SPHKAP: variants seen among roughly 807,000 people sequenced by gnomAD.
The protein encoded by SPHKAP is SPHK1 interactor, AKAP domain containing, also known as A-kinase anchor protein SPHKAP.
Under a neutral mutation model 137.5 loss-of-function variants are expected in SPHKAP, and 67 were observed. That is an observed-to-expected ratio of 0.49 (90% confidence interval 0.40 to 0.60). The LOEUF (loss-of-function observed/expected upper bound fraction) is 0.60. Ranked by LOEUF, SPHKAP falls within the 20% of genes least tolerant of loss-of-function variation. The pLI is 0.00. For missense variants in SPHKAP, 2,097 were observed against 2,069.3 expected (o/e 1.01, Z -0.26); for synonymous variants, 813 against 785.3 (o/e 1.04, Z -0.59).
chr2:228,102,151 CT>C (rs1248562380), intron 3 of SPHKAP, among the ~76,000 whole-genome samples: 1 of 152,008 alleles, frequency 6.6e-6, no homozygotes, highest in Non-Finnish European at 1.5e-5. Context: ...CTTTTGCAAA[CT>C]TTGCTACTGG....
chr2:228,082,378 C>T (rs1312452672), intron 3 of SPHKAP, among the ~76,000 whole-genome samples: 3 of 152,160 alleles, frequency 2.0e-5, no homozygotes, highest in Non-Finnish European at 4.4e-5. Context: ...CCAGCTACTT[C>T]ATGGGGTTGC....
At chr2:228,104,484 G>T (rs1305489791) in intron 3 of SPHKAP, among the ~76,000 whole-genome samples, 3 of 150,640 alleles carry the variant, frequency 2.0e-5, no homozygotes, top group Non-Finnish European at 4.4e-5. Flanking sequence ...TATCAACTGT[G>T]GTGTTTGTCA....
At chr2:228,073,294 T>C (rs184215304) in intron 3 of SPHKAP, among the ~76,000 whole-genome samples, 3 of 152,292 alleles carry the variant, frequency 2.0e-5, no homozygotes, top group African/African-American at 7.2e-5. Context: ...ATTGAATAAG[T>C]GTTGGTTCAT....
rs372335150 is a variant in SPHKAP, at chr2:228,055,654, G to A, written c.247-28111C>T. ...CCAGCTCAGAGGTTAAGGGGAGCTG[G>A]CGACCCCTTTCTTAGAGAGTGCTAT... is the stretch of plus-strand genomic sequence containing the variant. On this transcript the variant is annotated intron_variant, in intron 3 of 11. Coordinates refer to ENST00000392056, the MANE Select transcript of SPHKAP (RefSeq NM_001142644.2). 2.6e-5 allele frequency among the ~76,000 whole-genome samples: 4 copies of A among 152,154 alleles called. No homozygotes were observed. The East Asian group carries it at 5.8e-4, about 22-fold the overall frequency.
intron 3 of SPHKAP, among the ~76,000 whole-genome samples, chr2:228,028,642 T>A (rs6736013): frequency 2.0e-4 from 31 of 152,114 alleles, no homozygotes; most frequent in Non-Finnish European, 1.2e-4. Flanking sequence ...CAGTTGCCTG[T>A]GGTATTTAGG....
Position 227,991,300 on chromosome 2 carries a change from A to G in SPHKAP, c.4748T>C (p.Leu1583Pro). The change falls in exon 10 of 12, where the codon CTT (leucine) becomes CCT (proline). Residue 1583 changes from leucine to proline, a missense_variant. Coordinates refer to ENST00000392056, the MANE Select transcript of SPHKAP (RefSeq NM_001142644.2). ...CTCTGTGCTTTCTGACTGTCCTTTA[A>G]GAATCTTCTTTTCTTCTACTAATTC... ...INELVEEKKI[L>P]KGQSESTEAP... 1 of 1,614,258 alleles carries G rather than the reference A, an allele frequency of 6.2e-7. No homozygotes were observed. The highest frequency in any genetic ancestry group is 1.3e-5 in the African/African-American group (1 of 75,086).
intron 1 of SPHKAP, among the ~76,000 whole-genome samples, chr2:228,179,367 G>C (rs540477751): frequency 9.9e-5 from 15 of 152,252 alleles, no homozygotes; most frequent in African/African-American, 3.1e-4. Flanking sequence ...CAAGTAGCAT[G>C]ACTAATACAT....
chr2:228,053,937 T>C (rs186005680), intron 3 of SPHKAP, among the ~76,000 whole-genome samples: 2 of 152,358 alleles, frequency 1.3e-5, no homozygotes, highest in South Asian at 2.1e-4. Context: ...GATAAATTAA[T>C]GTATTTAATC....
chr2:228,141,330 G>A (rs1394941342), intron 1 of SPHKAP, among the ~76,000 whole-genome samples: 1 of 152,140 alleles, frequency 6.6e-6, no homozygotes, highest in African/African-American at 2.4e-5. Context: ...GGTTGTGGTG[G>A]TTTCATGGTG....
At chr2:228,154,715 AT>A (rs35636905) in intron 1 of SPHKAP, among the ~76,000 whole-genome samples, 43,788 of 114,934 alleles carry the variant, frequency 0.38, 8,355 homozygotes, top group East Asian at 0.65. Flanking sequence ...TGCCTGGCTA[AT>A]TTTTTTTTTT....
intron 3 of SPHKAP, among the ~76,000 whole-genome samples, chr2:228,055,142 C>CAAAAAAAAAAAAAAAA (rs58091970): frequency 2.1e-4 from 13 of 61,278 alleles, no homozygotes; most frequent in Non-Finnish European, 4.0e-4. Context: ...AACTCCACTC[C>CAAAAAAAAAAAAAAAA]AAAAAAAAAA....
intron 3 of SPHKAP, among the ~76,000 whole-genome samples, chr2:228,054,950 G>A (rs1696383688): frequency 6.6e-6 from 1 of 151,916 alleles, no homozygotes; most frequent in South Asian, 2.1e-4. Flanking sequence ...GACCAACCTG[G>A]CTAACATGGT....
intron 3 of SPHKAP, among the ~76,000 whole-genome samples, chr2:228,105,473 A>G (rs1698310700): frequency 6.6e-6 from 1 of 152,210 alleles, no homozygotes; most frequent in African/African-American, 2.4e-5. Flanking sequence ...ATTTTTTCAG[A>G]ATAGCAAATT....
intron 3 of SPHKAP, among the ~76,000 whole-genome samples, chr2:228,075,934 A>T (rs947388601): frequency 6.6e-6 from 1 of 152,184 alleles, no homozygotes; most frequent in Non-Finnish European, 1.5e-5. Context: ...TCCTCACTCA[A>T]ATCTCATCTT....
At chr2:228,035,487 C>A (rs1302341299) in intron 3 of SPHKAP, among the ~76,000 whole-genome samples, 3 of 152,168 alleles carry the variant, frequency 2.0e-5, no homozygotes, top group Admixed American at 6.5e-5. Context: ...ATGCCATCCC[C>A]ATCAAGCTAC....
chr2:228,170,194 T>C (rs1700543053), intron 1 of SPHKAP, among the ~76,000 whole-genome samples: 1 of 152,134 alleles, frequency 6.6e-6, no homozygotes, highest in African/African-American at 2.4e-5. Flanking sequence ...AAGTGCTTCT[T>C]ATGGATGAGC....
chr2:228,041,822 G>C (rs1695862491), intron 3 of SPHKAP, among the ~76,000 whole-genome samples: 1 of 151,966 alleles, frequency 6.6e-6, no homozygotes, highest in African/African-American at 2.4e-5. Context: ...CCGTGGGAGG[G>C]GATGTGCAGA....
At chr2:227,997,785 T>C (rs1693690415) in intron 7 of SPHKAP, among the ~76,000 whole-genome samples, 1 of 152,206 alleles carries the variant, frequency 6.6e-6, no homozygotes, top group Non-Finnish European at 1.5e-5. Flanking sequence ...CATATAGTTA[T>C]TTGTGTATAT....
chr2:228,038,017 A>C (rs1324078466), intron 3 of SPHKAP, among the ~76,000 whole-genome samples: 1 of 152,176 alleles, frequency 6.6e-6, no homozygotes, highest in Non-Finnish European at 1.5e-5. Context: ...AGAGCTGGGG[A>C]GTGGTGAGCC....
Sources: gnomAD v4.1 joint callset for allele counts (sites outside exome capture counted in the v4.1 genomes callset) on GRCh38, gnomAD v4.1.1 for gene constraint, MANE v1.5 for transcripts, NCBI Gene and HGNC (gene_info 2026-07-23, HGNC 2026-07-21) for gene names.